NFIA: variants seen among roughly 807,000 people sequenced by gnomAD.
NFIA encodes the protein nuclear factor 1 A-type.
Under a neutral mutation model 62.8 loss-of-function variants are expected in NFIA, and 8 were observed. The observed-to-expected ratio is 0.13, with a 90% CI of 0.07 to 0.23. The LOEUF (loss-of-function observed/expected upper bound fraction) is 0.23, where lower values mean the gene tolerates loss of function less well. NFIA is among the 10% of genes least tolerant of loss of function. The pLI is 1.00. For missense variants in NFIA, 410 were observed against 642.1 expected (o/e 0.64, Z 3.91); for synonymous variants, 235 against 238.1 (o/e 0.99, Z 0.12).
chr1:61,082,375 C>T (rs939647446), upstream of NFIA: 4 of 605,802 alleles, frequency 6.6e-6, no homozygotes, highest in South Asian at 6.9e-5. Flanking sequence ...ACACCCCCTC[C>T]CCCCCGCGGC....
intron 2 of NFIA, among the ~76,000 whole-genome samples, chr1:61,269,110 A>G (rs1394814069): frequency 6.6e-6 from 1 of 152,176 alleles, no homozygotes; most frequent in South Asian, 2.1e-4. Context: ...TAGGAAGACA[A>G]GCTAAACCAA....
chr1:61,229,954 G>T (rs1474058729), intron 2 of NFIA, among the ~76,000 whole-genome samples: 1 of 152,038 alleles, frequency 6.6e-6, no homozygotes, highest in Non-Finnish European at 1.5e-5. Context: ...AAACAAAGAT[G>T]GCTGCTATCA....
chr1:61,152,373 TCAAA>T (rs1477952591), intron 2 of NFIA, among the ~76,000 whole-genome samples: 6 of 152,192 alleles, frequency 3.9e-5, no homozygotes, highest in African/African-American at 1.4e-4. Context: ...CCCTGCTTTT[TCAAA>T]CAGTGTACTT....
intron 7 of NFIA, among the ~76,000 whole-genome samples, chr1:61,402,123 C>T (rs1396359828): frequency 7.0e-6 from 1 of 143,744 alleles, no homozygotes; most frequent in Non-Finnish European, 1.5e-5. Flanking sequence ...TTGCAAGATC[C>T]GCCTCCCAGG....
chr1:61,086,667 T>C (rs1327680148), intron 1 of NFIA, among the ~76,000 whole-genome samples: 1 of 152,168 alleles, frequency 6.6e-6, no homozygotes, highest in African/African-American at 2.4e-5. Context: ...TTTTAAAAGC[T>C]CAGTCATATA....
At chr1:61,095,873 A>T (rs377649027) in intron 2 of NFIA, among the ~76,000 whole-genome samples, 10 of 152,116 alleles carry the variant, frequency 6.6e-5, no homozygotes, top group Admixed American at 5.9e-4. Context: ...TACTATGCAG[A>T]TTTTTGTACA....
At chr1:61,152,875 C>G (rs1021446258) in intron 2 of NFIA, among the ~76,000 whole-genome samples, 3 of 152,148 alleles carry the variant, frequency 2.0e-5, no homozygotes, top group African/African-American at 2.4e-5. Flanking sequence ...GTGTCTTTTA[C>G]TCTGAGGAGA....
chr1:61,381,793 C>T (rs1664428984), intron 6 of NFIA, among the ~76,000 whole-genome samples: 1 of 152,074 alleles, frequency 6.6e-6, no homozygotes, highest in South Asian at 2.1e-4. Context: ...GGACTCTGTC[C>T]TTATACAGTC....
chr1:61,183,929 G>A (rs1650933586), intron 2 of NFIA, among the ~76,000 whole-genome samples: 1 of 151,966 alleles, frequency 6.6e-6, no homozygotes, highest in Non-Finnish European at 1.5e-5. Context: ...TTTCAAAAGA[G>A]AGGACGTCCT....
chr1:61,082,440 G>A, upstream of NFIA: 1 of 1,030,034 alleles, frequency 9.7e-7, no homozygotes, highest in Non-Finnish European at 1.2e-6. Flanking sequence ...AGGCGGAGGC[G>A]GGCGCGCGGG....
intron 2 of NFIA, among the ~76,000 whole-genome samples, chr1:61,220,692 CT>C (rs896542133): frequency 2.6e-5 from 4 of 152,106 alleles, no homozygotes; most frequent in Non-Finnish European, 5.9e-5. Context: ...CAAGTTAGGC[CT>C]TTCTTTAATA....
intron 2 of NFIA, among the ~76,000 whole-genome samples, chr1:61,154,011 A>C (rs1648613545): frequency 6.6e-6 from 1 of 152,188 alleles, no homozygotes; most frequent in Admixed American, 6.5e-5. Flanking sequence ...AGCACTTTGG[A>C]ATTTGTTAAA....
chr1:61,135,050 A>AT (rs898016551), intron 2 of NFIA, among the ~76,000 whole-genome samples: 3 of 152,136 alleles, frequency 2.0e-5, no homozygotes, highest in Non-Finnish European at 2.9e-5. Flanking sequence ...TCCCACATTT[A>AT]TTTTTTCTAT....
chr1:61,311,873 A>G (rs189632926), intron 3 of NFIA, among the ~76,000 whole-genome samples: 17 of 152,292 alleles, frequency 1.1e-4, no homozygotes, highest in Non-Finnish European at 1.6e-4. Context: ...CAGTATTATA[A>G]AATAATCCAC....
chr1:61,371,993 A>G (rs758058771), intron 6 of NFIA, among the ~76,000 whole-genome samples: 9 of 152,152 alleles, frequency 5.9e-5, no homozygotes, highest in Non-Finnish European at 1.2e-4. Flanking sequence ...TGATTGGTCT[A>G]TGAAGAGTTG....
intron 3 of NFIA, among the ~76,000 whole-genome samples, chr1:61,294,080 C>T (rs1659052172): frequency 6.6e-6 from 1 of 152,182 alleles, no homozygotes; most frequent in Non-Finnish European, 1.5e-5. Flanking sequence ...TTCCTGCTGA[C>T]CACTTGGTCA....
At chr1:61,331,789 G>A (rs865897871) in intron 3 of NFIA, among the ~76,000 whole-genome samples, 53 of 152,120 alleles carry the variant, frequency 3.5e-4, no homozygotes, top group South Asian at 1.0e-3. Flanking sequence ...GTTGGTGATC[G>A]ACATAATACC....
intron 10 of NFIA, among the ~76,000 whole-genome samples, chr1:61,446,904 G>A (rs548567059): frequency 6.6e-6 from 1 of 152,264 alleles, no homozygotes; most frequent in East Asian, 1.9e-4. Flanking sequence ...ACGCTCTGCT[G>A]AGCTCCGGCC....
At chr1:61,141,993 A>G (rs1647570708) in intron 2 of NFIA, among the ~76,000 whole-genome samples, 1 of 152,156 alleles carries the variant, frequency 6.6e-6, no homozygotes, top group African/African-American at 2.4e-5. Flanking sequence ...GTTCTCCTAA[A>G]ATGCAGCTGG....
Sources: gnomAD v4.1 joint callset for allele counts (sites outside exome capture counted in the v4.1 genomes callset) on GRCh38, gnomAD v4.1.1 for gene constraint, MANE v1.5 for transcripts, NCBI Gene and HGNC (gene_info 2026-07-23, HGNC 2026-07-21) for gene names.